The following DNAH1 variants were observed in gnomAD, a reference collection of about 807,000 sequenced individuals.
DNAH1 encodes the protein dynein axonemal heavy chain 1, also known as axonemal beta dynein heavy chain 1.
DNAH1 carries 327 observed loss-of-function variants against 484.3 expected under a neutral mutation model. That is an observed-to-expected ratio of 0.68 (90% CI 0.62 to 0.74). The LOEUF (loss-of-function observed/expected upper bound fraction) is 0.74. DNAH1 is among the 30% of genes least tolerant of loss of function. The pLI is 0.00. For missense variants in DNAH1, 5,052 were observed against 5,546.8 expected (o/e 0.91, Z 2.83); for synonymous variants, 2,192 against 2,191.9 (o/e 1.00, Z 0.00).
rs1702853188 is a variant in DNAH1, at chr3:52,361,442, G to A, written c.4874+90G>A. On this transcript the variant is annotated intron_variant, in intron 29 of 77. Transcript: ENST00000420323. This position sits in a 1 kb window ranked among gnomAD's most constrained non-coding sequence, Gnocchi z 5.6. ...TAGGTGAGGGCAGTGCCTGAGAGGG[G>A]CCTCGAAGGATGGTGGAGGGGACAG... 4 of 1,424,050 alleles carry A rather than the reference G, an allele frequency of 2.8e-6. No individual in the cohort carries two copies. Among genetic ancestry groups the A allele is most frequent in the Admixed American group, 2.5e-5 (1 of 40,258 alleles). The allele number at this position is 1,424,050 out of a possible 1,614,324, so 88.2% of individuals were successfully genotyped here.
chr3:52,385,208 C>A, intron 53 of DNAH1, 129 bp from the exon 54 acceptor site: 1 of 1,072,892 alleles, frequency 9.3e-7, no homozygotes, highest in Non-Finnish European at 1.4e-6. Context: ...CTGGGGTCGG[C>A]TGGGCAATGT....
intron 22 of DNAH1, 124 bp downstream of exon 22, chr3:52,356,902 A>G: frequency 8.2e-7 from 1 of 1,225,986 alleles, no homozygotes; most frequent in Non-Finnish European, 1.1e-6. Flanking sequence ...TGAGGATTTG[A>G]TCTTGAACCA....
intron 1 of DNAH1, among the ~76,000 whole-genome samples, chr3:52,320,291 G>A (rs555624221): frequency 6.6e-6 from 1 of 152,350 alleles, no homozygotes; most frequent in South Asian, 2.1e-4. Context: ...GCCAGACTCG[G>A]CATTGTCTTC....
Position 52,368,983 on chromosome 3 carries a change from G to A in DNAH1, c.5943+65G>A. ...TGGGTGGGCCTGGAGGCTGCATCAT[G>A]CTGGCCAAACTCTGCCCCCTCACCC... On this transcript the variant is annotated intron_variant, in intron 37 of 77. Coordinates refer to ENST00000420323, the MANE Select transcript of DNAH1 (RefSeq NM_015512.5). The surrounding 1 kb of genome is among the most constrained non-coding windows in gnomAD (Gnocchi z 4.4). 6.4e-7 allele frequency: 1 copy of A among 1,572,790 alleles called. No individual in the cohort carries two copies.
chr3:52,395,047 C>T lies in DNAH1; in HGVS notation c.10956C>T (p.Phe3652=), dbSNP rs1432015235. ...DFVATNLEPR[F]IEPQTANLSV... The stretch of plus-strand genomic sequence containing the variant: ...TGGCCACCAACCTGGAGCCACGCTT[C>T]ATTGAACCCCAGGCAAGTGCTGGAA... Residue 3652 remains phenylalanine (F), a synonymous_variant, in exon 68 of 78, where the codon TTC becomes TTT. Coordinates refer to ENST00000420323, the MANE Select transcript of DNAH1 (RefSeq NM_015512.5). This position sits in a 1 kb window ranked among gnomAD's most constrained non-coding sequence, Gnocchi z 4.4. The T allele has an allele frequency of 6.2e-7, 1 of 1,608,944 alleles. No individual in the cohort carries two copies. The highest frequency in any genetic ancestry group is 8.5e-7 in the Non-Finnish European group (1 of 1,177,710).
chr3:52,374,730 T>C (rs1403437400), intron 44 of DNAH1: 6 of 1,269,340 alleles, frequency 4.7e-6, no homozygotes, highest in Admixed American at 1.7e-5. Flanking sequence ...TGGCTTGATA[T>C]ACAACGCCCT....
chr3:52,389,425 C>A, intron 59 of DNAH1, 36 bp from the exon 60 acceptor site: 1 of 1,610,034 alleles, frequency 6.2e-7, no homozygotes. Context: ...CTGTGAGTGT[C>A]ATGGTGGGGT....
chr3:52,349,011 C>T lies in DNAH1; in HGVS notation c.2230C>T (p.Leu744=). 6.2e-7 allele frequency: 1 copy of T among 1,613,340 alleles called. No individual in the cohort carries two copies. The highest frequency in any genetic ancestry group is 8.5e-7 in the Non-Finnish European group (1 of 1,179,910). ...ASAVSKAMIP[L]QAYAKEYRKY... is the part of the protein sequence containing the mutation. ...TGCCGTGTCCAAGGCCATGATCCCA[C>T]TGCAGGCCTACGCCAAGGAGTACCG... Residue 744 remains leucine (L), a synonymous_variant, in exon 13 of 78, where the codon CTG becomes TTG. Transcript: ENST00000420323.
In DNAH1 at chr3:52,350,122, A is replaced by C; in HGVS notation, c.2646+14A>C. 6.2e-7 allele frequency: 1 copy of C among 1,608,220 alleles called. No homozygotes were observed. Among genetic ancestry groups the C allele is most frequent in the Non-Finnish European group, 8.5e-7 (1 of 1,178,216 alleles). ...GTGGGCCTGGAGGTGAGGCAGGCAC[A>C]CGGGCACTGGGGCCAGGGAGGCACA... On this transcript the variant is annotated intron_variant, in intron 15 of 77. Coordinates refer to ENST00000420323, the MANE Select transcript of DNAH1 (RefSeq NM_015512.5).
chr3:52,365,611 G>A (rs11709658), intron 34 of DNAH1, among the ~76,000 whole-genome samples: 26,822 of 152,064 alleles, frequency 0.18, 2,678 homozygotes, highest in African/African-American at 0.25. Context: ...GTAGGATGAG[G>A]GTCTCAGTTC....
intron 16 of DNAH1, 70 bp from the exon 17 acceptor site, chr3:52,351,892 C>T (rs966809730): frequency 1.2e-5 from 18 of 1,541,800 alleles, no homozygotes; most frequent in Non-Finnish European, 1.5e-5. Context: ...TGGGATGCCC[C>T]TGCCTGGTCT....
intron 8 of DNAH1, among the ~76,000 whole-genome samples, chr3:52,340,681 C>A (rs1365687156): frequency 6.6e-6 from 1 of 152,166 alleles, no homozygotes; most frequent in South Asian, 2.1e-4. Flanking sequence ...GTGATCCACC[C>A]ACCTCGGCCT....
chr3:52,340,444 T>A (rs76383160), intron 8 of DNAH1, among the ~76,000 whole-genome samples: 1 of 138,672 alleles, frequency 7.2e-6, no homozygotes, highest in Non-Finnish European at 1.5e-5. Flanking sequence ...TTATTTATAT[T>A]TATTTTTTGA....
At position 52,350,070 on chromosome 3, in the gene DNAH1, T is replaced by C; in HGVS notation, c.2608T>C (p.Trp870Arg). Residue 870 changes from tryptophan to arginine, a missense_variant, in exon 15 of 78, where the codon TGG (tryptophan) becomes CGG (arginine). Trp to Arg is a moderately radical substitution (Grantham distance 101). Coordinates refer to ENST00000420323, the MANE Select transcript of DNAH1 (RefSeq NM_015512.5). ...TGAGGAGCTGGCTGAGCTGCGAGAG[T>C]GGATGAAGGGCATCCCGGAGAGGCT... The part of the protein sequence containing the change: ...SIEELAELRE[W>R]MKGIPERLVG... The C allele has an allele frequency of 6.2e-7, 1 of 1,612,480 alleles. No individual in the cohort carries two copies. The highest frequency in any genetic ancestry group is 8.5e-7 in the Non-Finnish European group (1 of 1,179,554).
rs376056696 is a variant in DNAH1, at chr3:52,352,129, C to A, written c.2871+26C>A. On this transcript the variant is annotated intron_variant, in intron 17 of 77. Transcript: ENST00000420323. ...GTGGGGCACAGCTGCAGGCTTGGTG[C>A]TGGACACAGCCCCCACCACACGCAC... The A allele has an allele frequency of 5.1e-6, 8 of 1,560,024 alleles. No individual in the cohort carries two copies. In the African/African-American group the frequency reaches 1.1e-4, roughly 21 times the overall value.
intron 56 of DNAH1, 122 bp from the exon 57 acceptor site, chr3:52,388,045 T>C (rs1704184697): frequency 1.0e-5 from 13 of 1,266,672 alleles, no homozygotes; most frequent in Non-Finnish European, 1.3e-5. Context: ...AAAGAATCTG[T>C]ACTGAGGCCT....
rs1703170414 is a variant in DNAH1 at position 52,368,340 on chromosome 3, T to C, written c.5766-401T>C. 6.6e-6 allele frequency among the ~76,000 whole-genome samples: 1 copy of C among 152,184 alleles called. No individual in the cohort carries two copies. The highest frequency in any genetic ancestry group is 2.4e-5 in the African/African-American group (1 of 41,436). On this transcript the variant is annotated intron_variant, in intron 36 of 77. Coordinates refer to ENST00000420323, the MANE Select transcript of DNAH1 (RefSeq NM_015512.5). This position sits in a 1 kb window ranked among gnomAD's most constrained non-coding sequence, Gnocchi z 4.4. ...TACCAGCCCCTTCCCTGGTGCGTGCTGCCTCTGAGGTCTGAGTCCCCTGGG... is the reference window on the plus strand; with the variant it reads ...TACCAGCCCCTTCCCTGGTGCGTGCCGCCTCTGAGGTCTGAGTCCCCTGGG...
chr3:52,366,536 C>T lies in DNAH1; in HGVS notation c.5598C>T (p.Ser1866=), dbSNP rs1400715708. 5.6e-6 allele frequency: 9 copies of T among 1,594,954 alleles called. No homozygotes were observed. The highest frequency in any genetic ancestry group is 2.3e-5 in the East Asian group (1 of 43,576). Residue 1866 remains serine, a synonymous_variant, in exon 35 of 78, where the codon TCC becomes TCT. Transcript: ENST00000420323. The part of the protein sequence containing the change: ...HGLMLVGPTG[S]GKSTCYRVLA... ...TCATGCTCGTCGGGCCCACAGGCTC[C>T]GGCAAGAGTACTGTAAGCAGAGCCA... is the stretch of plus-strand genomic sequence containing the variant.
chr3:52,372,492 A>G, intron 43 of DNAH1, 105 bp downstream of exon 43: 3 of 1,473,414 alleles, frequency 2.0e-6, no homozygotes, highest in Non-Finnish European at 2.7e-6. Context: ...TTTGCCAGGA[A>G]CCTCCCAGGG....
Sources: allele counts gnomAD v4.1 joint callset (sites outside exome capture counted in the v4.1 genomes callset), GRCh38; gene constraint gnomAD v4.1.1; non-coding constraint Gnocchi (gnomAD v3.1); transcripts MANE v1.5; gene names NCBI Gene and HGNC (gene_info 2026-07-23, HGNC 2026-07-21).